GABRR1: variants seen among roughly 807,000 people sequenced by gnomAD.
GABRR1 encodes gamma-aminobutyric acid receptor subunit rho-1.
GABRR1 carries 59 observed loss-of-function variants against 55.5 expected under a neutral mutation model. That is an observed-to-expected ratio of 1.06 (90% CI 0.86 to 1.32). GABRR1 has a LOEUF of 1.32. Ranked by LOEUF, GABRR1 falls within the 40% of genes most tolerant of loss-of-function variation. The pLI is 0.00. For synonymous variants in GABRR1, 213 were observed against 226.0 expected (o/e 0.94, Z 0.51); for missense variants, 602 against 619.1 (o/e 0.97, Z 0.29).
intron 6 of GABRR1, among the ~76,000 whole-genome samples, chr6:89,188,608 TTTG>T (rs35244595): frequency 1.3e-5 from 2 of 151,598 alleles, no homozygotes; most frequent in Non-Finnish European, 2.9e-5. Flanking sequence ...AGCAGATTGT[TTTG>T]TTGTTGTTGT....
At chr6:89,226,106 G>A (rs1164297154) in intron 1 of GABRR1, among the ~76,000 whole-genome samples, 1 of 152,008 alleles carries the variant, frequency 6.6e-6, no homozygotes, top group East Asian at 1.9e-4. Flanking sequence ...AACTTTTGAT[G>A]GGGTTGTTTG....
At chr6:89,203,851 C>T (rs540317288) in intron 1 of GABRR1, among the ~76,000 whole-genome samples, 23 of 152,194 alleles carry the variant, frequency 1.5e-4, no homozygotes, top group Non-Finnish European at 2.9e-4. Flanking sequence ...TAACACACTG[C>T]CAGGTGAACT....
upstream of GABRR1, among the ~76,000 whole-genome samples, chr6:89,222,175 A>T (rs1314921612): frequency 6.6e-6 from 1 of 152,248 alleles, no homozygotes; most frequent in Non-Finnish European, 1.5e-5. Flanking sequence ...TTGGCCTGAT[A>T]GTCACTCCTA....
At chr6:89,182,206 T>C (rs1771751973) in intron 7 of GABRR1, 149 bp from the exon 8 acceptor site, 1 of 751,572 alleles carries the variant, frequency 1.3e-6, no homozygotes, top group Non-Finnish European at 2.1e-6. Flanking sequence ...TGAAACAAAG[T>C]GATTATATAG....
At chr6:89,215,542 T>G (rs900535991) in intron 1 of GABRR1, among the ~76,000 whole-genome samples, 3 of 150,844 alleles carry the variant, frequency 2.0e-5, no homozygotes. Flanking sequence ...ATTGAGGGTA[T>G]GAGGAGATGT....
rs1259991244 is a variant in GABRR1 at position 89,201,158 on chromosome 6, CCT to C, written c.279_280del (p.Gly94ProfsTer16). On this transcript the variant is annotated frameshift_variant and splice_region_variant, in exon 3 of 10. Coordinates refer to ENST00000454853, the MANE Select transcript of GABRR1 (RefSeq NM_002042.5). LOFTEE classifies it high-confidence loss of function. ...ACACCCTGAGAGCACACATCCCATA[CCT>C]CCAAAGCCAGGCCTCATGCTGAAAT... 7 of 1,610,320 alleles carry C rather than the reference CCT, an allele frequency of 4.3e-6. No individual in the cohort carries two copies. The highest frequency in any genetic ancestry group is 3.3e-5 in the Admixed American group (2 of 59,992).
upstream of GABRR1, among the ~76,000 whole-genome samples, chr6:89,219,926 C>A (rs1308586086): frequency 6.6e-6 from 1 of 152,092 alleles, no homozygotes; most frequent in Admixed American, 6.6e-5. Flanking sequence ...AACGTGCTTT[C>A]AATTAATAGA....
intron 1 of GABRR1, among the ~76,000 whole-genome samples, chr6:89,211,452 T>G (rs1431900020): frequency 6.6e-6 from 1 of 152,106 alleles, no homozygotes; most frequent in Admixed American, 6.6e-5. Context: ...CTGTCTATAT[T>G]CACTCCATTT....
chr6:89,205,134 C>A (rs1772602798), intron 1 of GABRR1, among the ~76,000 whole-genome samples: 1 of 152,180 alleles, frequency 6.6e-6, no homozygotes, highest in South Asian at 2.1e-4. Flanking sequence ...ATGAAGTAGG[C>A]CTCGTCATTA....
intron 2 of GABRR1, among the ~76,000 whole-genome samples, chr6:89,201,756 G>T (rs1364407274): frequency 6.9e-6 from 1 of 144,420 alleles, no homozygotes; most frequent in East Asian, 2.1e-4. Flanking sequence ...TCCAGCCTGG[G>T]CAACAGAGTG....
Position 89,178,867 on chromosome 6 carries a change from A to G in GABRR1, c.1343T>C (p.Met448Thr). The change falls in exon 10 of 10, where the codon ATG becomes ACG. Residue 448 changes from methionine (M) to threonine (T), a missense_variant. Physicochemically the swap from Met to Thr is moderately conservative, Grantham distance 81. Coordinates refer to ENST00000454853, the MANE Select transcript of GABRR1 (RefSeq NM_002042.5). ...ATCAATGGCGTGGGTGTCGATTCTC[A>G]TGCTCACATAGCTGCTTCTCTGACT... Reference protein sequence around the residue: ...RKSQRSSYVSMRIDTHAIDKY... With the variant: ...RKSQRSSYVSTRIDTHAIDKY... 1 of 1,614,214 alleles carries G rather than the reference A, an allele frequency of 6.2e-7. No individual in the cohort carries two copies. The highest frequency in any genetic ancestry group is 8.5e-7 in the Non-Finnish European group (1 of 1,180,046).
chr6:89,218,950 T>G (rs1773069502), upstream of GABRR1, among the ~76,000 whole-genome samples: 1 of 151,952 alleles, frequency 6.6e-6, no homozygotes, highest in African/African-American at 2.4e-5. Context: ...GGGCTTGGTC[T>G]CCTAATCTTA....
At chr6:89,218,409 G>T (rs553112579), upstream of GABRR1, among the ~76,000 whole-genome samples, 1 of 152,116 alleles carries the variant, frequency 6.6e-6, no homozygotes, top group Non-Finnish European at 1.5e-5. Flanking sequence ...TTCCCAGATC[G>T]TAAGAAGCCT....
chr6:89,197,528 ATTT>A (rs1213220842), intron 5 of GABRR1, among the ~76,000 whole-genome samples: 10 of 152,342 alleles, frequency 6.6e-5, no homozygotes, highest in African/African-American at 2.4e-4. Context: ...TATTCATTAT[ATTT>A]AAAAAGTGAT....
At chr6:89,207,039 C>A (rs1562308254) in intron 1 of GABRR1, among the ~76,000 whole-genome samples, 1 of 151,974 alleles carries the variant, frequency 6.6e-6, no homozygotes, top group African/African-American at 2.4e-5. Context: ...TGAAGGGATC[C>A]ATAAGAAATG....
chr6:89,199,190 A>G (rs1393799155), intron 4 of GABRR1, among the ~76,000 whole-genome samples, 172 bp downstream of exon 4: 1 of 152,102 alleles, frequency 6.6e-6, no homozygotes, highest in Non-Finnish European at 1.5e-5. Flanking sequence ...TCTGTTTCAT[A>G]CCAATTGGGT....
chr6:89,218,947 G>C (rs111563958), upstream of GABRR1, among the ~76,000 whole-genome samples: 954 of 152,082 alleles, frequency 6.3e-3, 10 homozygotes, highest in African/African-American at 0.022. Context: ...CTTGGGCTTG[G>C]TCTCCTAATC....
Position 89,216,542 on chromosome 6 carries a change from G to A in GABRR1, c.122+659C>T, listed in dbSNP as rs186482544. ...CCAGTGCTGCCGTCAGAATGGCCCA[G>A]GTGAGGCCGAGTGCTAAGGGGCTGG... On this transcript the variant is annotated intron_variant, in intron 1 of 9. Transcript: ENST00000454853. Among the ~76,000 whole-genome samples the A allele has an allele frequency of 9.9e-5, 15 of 152,246 alleles. No individual in the cohort carries two copies. In the East Asian group the frequency reaches 2.1e-3, roughly 22 times the overall value.
chr6:89,199,343 T>C lies in GABRR1; in HGVS notation c.348+19A>G, dbSNP rs768058445. The C allele has an allele frequency of 2.0e-4, 325 of 1,612,082 alleles. No individual in the cohort carries two copies. Among genetic ancestry groups the C allele is most frequent in the Non-Finnish European group, 2.7e-4 (314 of 1,178,616 alleles). ...TTTGTGAATCCCCCTGCCACGGCCC[T>C]GGTCAGAGAAGCACTTACCATGTCA... On this transcript the variant is annotated intron_variant, in intron 4 of 9. Coordinates refer to ENST00000454853, the MANE Select transcript of GABRR1 (RefSeq NM_002042.5).
Sources: allele counts gnomAD v4.1 joint callset (sites outside exome capture counted in the v4.1 genomes callset), GRCh38; gene constraint gnomAD v4.1.1; transcripts MANE v1.5; gene names NCBI Gene and HGNC (gene_info 2026-07-23, HGNC 2026-07-21).